Variants in TNS1 observed in about 807,000 individuals in gnomAD.
The protein encoded by TNS1 is tensin-1.
In TNS1, 62 loss-of-function variants were observed where a neutral mutation model predicts 168.6. The observed-to-expected ratio is 0.37, with a 90% CI of 0.30 to 0.45. The LOEUF is 0.45. Ranked by LOEUF, TNS1 falls within the 20% of genes least tolerant of loss-of-function variation. TNS1 has a pLI of 1.00. For missense variants in TNS1, 2,240 were observed against 2,339.4 expected, an observed-to-expected ratio of 0.96 and a Z score of 0.88; for synonymous variants, 934 against 933.2, an observed-to-expected ratio of 1.00 and a Z score of -0.02.
In TNS1 at chr2:217,800,388, T is replaced by G. The variant is rs1430265616; in HGVS notation, c.*4071A>C. On this transcript the variant is annotated 3_prime_UTR_variant, in exon 33 of 33. Coordinates refer to ENST00000682258, the MANE Select transcript of TNS1 (RefSeq NM_001387777.1). ...CCCTCTGGGTGAACCACTTCTCACCTGGGCTATCGCTGAGACTCCACCAAT... is the reference window on the plus strand; with the variant it reads ...CCCTCTGGGTGAACCACTTCTCACCGGGGCTATCGCTGAGACTCCACCAAT... The G allele has an allele frequency of 6.6e-6, 1 of 152,256 alleles. No individual in the cohort carries two copies. Among genetic ancestry groups the G allele is most frequent in the Non-Finnish European group, 1.5e-5 (1 of 68,082 alleles). 9.4% of individuals were successfully genotyped at this position (152,256 alleles called of 1,614,324 possible).
chr2:218,032,653 T>C lies in TNS1; in HGVS notation c.156+1167A>G, dbSNP rs930913526. Among the ~76,000 whole-genome samples the C allele has an allele frequency of 2.4e-4, 36 of 152,124 alleles. No individual in the cohort carries two copies. The highest frequency in any genetic ancestry group is 8.2e-4 in the African/African-American group (34 of 41,422). ...TTTATCTGCCCCAAGAACGAGGGTATCACCCCTCCTCTAGTGAGGCCCCAG... is the reference window on the plus strand; with the variant it reads ...TTTATCTGCCCCAAGAACGAGGGTACCACCCCTCCTCTAGTGAGGCCCCAG... On this transcript the variant is annotated intron_variant, in intron 1 of 1. Coordinates refer to the TNS1 transcript ENST00000649572. This position sits in a 1 kb window ranked among gnomAD's most constrained non-coding sequence, Gnocchi z 4.0.
rs1292970955 is a variant in TNS1 at position 217,906,397 on chromosome 2, G to C, written c.271-12C>G. On this transcript the variant is annotated splice_polypyrimidine_tract_variant and intron_variant, in intron 5 of 32. Transcript: ENST00000682258. ...GAGGCTCCTTCTCCCTGCAGACAGA[G>C]AAAAGGCAGTCAGAGAGGGGAGGCA... is the stretch of plus-strand genomic sequence containing the variant. 3.7e-5 allele frequency: 26 copies of C among 702,564 alleles called. No homozygotes were observed. Among genetic ancestry groups the C allele is most frequent in the Non-Finnish European group, 6.8e-5 (26 of 384,888 alleles). The allele number at this position is 702,564 out of a possible 1,614,324, so 43.5% of individuals were successfully genotyped here. A position where few individuals can be genotyped will look rare whatever the true frequency, so the allele number is the denominator to read the frequency against.
chr2:217,920,804 A>G (rs922650132), intron 3 of TNS1, among the ~76,000 whole-genome samples: 2 of 152,064 alleles, frequency 1.3e-5, no homozygotes, highest in Non-Finnish European at 2.9e-5. Flanking sequence ...CAGCCCTTCC[A>G]AAGAAAGCCA....
At chr2:217,989,553 G>A (rs1958297203) in intron 2 of TNS1, among the ~76,000 whole-genome samples, 1 of 152,098 alleles carries the variant, frequency 6.6e-6, no homozygotes, top group African/African-American at 2.4e-5. Context: ...TTGGGTGCAG[G>A]GAGCTCCTGC....
chr2:217,927,940 C>G (rs367845287), intron 3 of TNS1, among the ~76,000 whole-genome samples: 1 of 152,300 alleles, frequency 6.6e-6, no homozygotes, highest in South Asian at 2.1e-4. Context: ...TCTCCATGCC[C>G]ATATGAAGAA....
intron 3 of TNS1, among the ~76,000 whole-genome samples, chr2:217,946,647 T>C (rs976242888): frequency 6.6e-6 from 1 of 152,096 alleles, no homozygotes; most frequent in Admixed American, 6.5e-5. Flanking sequence ...CTGTGACAGA[T>C]TGGGCTGGGA....
intron 19 of TNS1, 73 bp from the exon 20 acceptor site, chr2:217,836,284 C>T (rs1945166462): frequency 1.4e-6 from 2 of 1,427,760 alleles, no homozygotes; most frequent in Admixed American, 2.2e-5. Context: ...CTAATCCCAT[C>T]AGAGAAGGCA....
chr2:217,848,014 C>T lies in TNS1; in HGVS notation c.2503G>A (p.Glu835Lys), dbSNP rs200562336. The T allele has an allele frequency of 1.1e-5, 17 of 1,518,472 alleles. No individual in the cohort carries two copies. The highest frequency in any genetic ancestry group is 1.3e-5 in the Non-Finnish European group (15 of 1,131,906). 94.1% of individuals were successfully genotyped at this position (1,518,472 alleles called of 1,614,324 possible). ...TCCAGCATCAGCATATTGAGTGTTT[C>T]GATGGACTGTTCAATCTCCTGCTGG... ...ASQQEIEQSI[E>K]TLNMLMLDLE... is the part of the protein sequence containing the mutation. The change falls in exon 19 of 33, where the codon GAA (glutamate) becomes AAA (lysine). Residue 835 changes from glutamate to lysine, a missense_variant. By Grantham distance (56) the Glu-to-Lys change is moderately conservative. Coordinates refer to ENST00000682258, the MANE Select transcript of TNS1 (RefSeq NM_001387777.1).
At chr2:217,898,049 A>G in intron 7 of TNS1, 80 bp from the exon 8 acceptor site, 2 of 1,446,496 alleles carry the variant, frequency 1.4e-6, no homozygotes, top group South Asian at 1.5e-5. Flanking sequence ...CACCCCATAC[A>G]CACCCTGTGT....
chr2:217,846,340 C>T (rs951582722), intron 19 of TNS1, among the ~76,000 whole-genome samples: 1 of 152,186 alleles, frequency 6.6e-6, no homozygotes, highest in African/African-American at 2.4e-5. Flanking sequence ...TGTCCCCACA[C>T]CAGGTCCTGA....
chr2:218,020,974 CA>C (rs547067133), intron 1 of TNS1, among the ~76,000 whole-genome samples: 55 of 152,342 alleles, frequency 3.6e-4, no homozygotes, highest in Admixed American at 2.5e-3. Context: ...TGAGAGAAGA[CA>C]ATGCATCCAC....
intron 1 of TNS1, among the ~76,000 whole-genome samples, chr2:218,017,932 A>C (rs972545530): frequency 6.6e-6 from 1 of 152,218 alleles, no homozygotes. Context: ...CACAGTTCAC[A>C]CCACTGTCCA....
chr2:217,848,570 C>A lies in TNS1; in HGVS notation c.1947G>T (p.Gly649=), dbSNP rs756473794. Residue 649 remains glycine (G), a synonymous_variant, in exon 19 of 33, where the codon GGG becomes GGT. Transcript: ENST00000682258. ...AGCCCCCCTCACTGGTGTTGGTGAC[C>A]CCGTCCAGAGAAGAGAGTGTGCCCA... ...GSMGTLSSLD[G]VTNTSEGGYP... 6 of 1,614,144 alleles carry A rather than the reference C, an allele frequency of 3.7e-6. No homozygotes were observed. The highest frequency in any genetic ancestry group is 5.1e-6 in the Non-Finnish European group (6 of 1,179,990).
intron 4 of TNS1, among the ~76,000 whole-genome samples, chr2:217,918,221 C>A (rs950287738): frequency 6.6e-6 from 1 of 152,232 alleles, no homozygotes; most frequent in Admixed American, 6.5e-5. Context: ...GGTACCGTCA[C>A]TAACGTCCAT....
intron 3 of TNS1, among the ~76,000 whole-genome samples, chr2:217,978,207 C>A (rs1019161383): frequency 1.3e-5 from 2 of 152,222 alleles, no homozygotes; most frequent in South Asian, 4.1e-4. Context: ...AATTGAGGAC[C>A]AAAAGAAGAC....
intron 18 of TNS1, among the ~76,000 whole-genome samples, chr2:217,858,172 C>T (rs1239767666): frequency 2.0e-5 from 3 of 152,110 alleles, no homozygotes; most frequent in Non-Finnish European, 2.9e-5. Flanking sequence ...CAAGACGAAC[C>T]GTTACCCCCA....
upstream of TNS1, among the ~76,000 whole-genome samples, chr2:218,004,966 C>A (rs1477594017): frequency 6.6e-6 from 1 of 152,238 alleles, no homozygotes; most frequent in African/African-American, 2.4e-5. Context: ...CCTCCCGTCT[C>A]CCCTGGCTGG....
intron 18 of TNS1, among the ~76,000 whole-genome samples, chr2:217,858,309 C>T (rs1299045449): frequency 6.6e-6 from 1 of 152,136 alleles, no homozygotes; most frequent in African/African-American, 2.4e-5. Flanking sequence ...GTCACATCCA[C>T]ATCAGACAGC....
chr2:217,992,168 C>CG (rs1559404700), intron 1 of TNS1, among the ~76,000 whole-genome samples: 1 of 152,166 alleles, frequency 6.6e-6, no homozygotes, highest in African/African-American at 2.4e-5. Context: ...AAAGCATCCC[C>CG]TGCCCCAGGC....
Sources: gnomAD v4.1 joint callset for allele counts (sites outside exome capture counted in the v4.1 genomes callset) on GRCh38, gnomAD v4.1.1 for gene constraint, Gnocchi (gnomAD v3.1) non-coding constraint, MANE v1.5 for transcripts, NCBI Gene and HGNC (gene_info 2026-07-23, HGNC 2026-07-21) for gene names.